Variants in KLHL3 observed in about 807,000 individuals in gnomAD.
KLHL3 encodes the protein kelch like family member 3.
In KLHL3, 19 loss-of-function variants were observed where a neutral mutation model predicts 70.5. That is an observed-to-expected ratio of 0.27 (90% CI 0.19 to 0.40). KLHL3 has a LOEUF of 0.40. Ranked by LOEUF, KLHL3 falls within the 10% of genes least tolerant of loss-of-function variation. The pLI, the probability that KLHL3 is intolerant of heterozygous loss-of-function variation, is 1.00. For synonymous variants in KLHL3, 258 were observed against 290.3 expected (o/e 0.89, Z 1.13); for missense variants, 512 against 771.1 (o/e 0.66, Z 3.98).
chr5:137,735,845 C>A lies in KLHL3; in HGVS notation c.-199G>T. ...GCAGCAGCTTCTACCGCAAAAGCAGCAGCAACAGAAAATGTCTTACCCAGA... is the reference window on the plus strand; with the variant it reads ...GCAGCAGCTTCTACCGCAAAAGCAGAAGCAACAGAAAATGTCTTACCCAGA... On this transcript the variant is annotated 5_prime_UTR_variant, in exon 1 of 15. Coordinates refer to ENST00000309755, the MANE Select transcript of KLHL3 (RefSeq NM_017415.3). The A allele has an allele frequency of 1.5e-6, 1 of 689,536 alleles. No individual in the cohort carries two copies. The allele number at this position is 689,536 out of a possible 1,614,324, so 42.7% of individuals were successfully genotyped here.
At chr5:137,644,640 C>T (rs1476933941) in intron 8 of KLHL3, among the ~76,000 whole-genome samples, 4 of 152,096 alleles carry the variant, frequency 2.6e-5, no homozygotes, top group African/African-American at 9.7e-5. Context: ...CCAAACAGAC[C>T]AATAACAAGC....
intron 13 of KLHL3, among the ~76,000 whole-genome samples, chr5:137,626,263 A>G (rs1165902926): frequency 5.3e-5 from 8 of 152,164 alleles, no homozygotes; most frequent in Admixed American, 5.2e-4. Context: ...GAGCTAGGGA[A>G]TAAGACAATT....
intron 1 of KLHL3, among the ~76,000 whole-genome samples, chr5:137,727,156 A>C (rs1490127724): frequency 1.3e-5 from 2 of 152,078 alleles, no homozygotes; most frequent in Non-Finnish European, 2.9e-5. Flanking sequence ...TCTCTATCTC[A>C]GAGGCATAAC....
In KLHL3 at chr5:137,735,778, G is replaced by A; in HGVS notation, c.-132C>T. The A allele has an allele frequency of 8.2e-7, 1 of 1,220,736 alleles. No homozygotes were observed. Among genetic ancestry groups the A allele is most frequent in the Non-Finnish European group, 1.2e-6 (1 of 824,464 alleles). 75.6% of individuals were successfully genotyped at this position (1,220,736 alleles called of 1,614,324 possible). A position where few individuals can be genotyped will look rare whatever the true frequency, so the allele number is the denominator to read the frequency against. On this transcript the variant is annotated 5_prime_UTR_variant, in exon 1 of 15. Coordinates refer to ENST00000309755, the MANE Select transcript of KLHL3 (RefSeq NM_017415.3). ...ACAGTGATTCAGCATGGCTGCAAGT[G>A]AAGCCTCCTCCCTTCTCAATCCTCC... is the stretch of plus-strand genomic sequence containing the variant.
rs543361717 is a variant in KLHL3, at chr5:137,678,298, G to A, written c.527-644C>T. ...GCCTATGGAACTGTTCAAGACAGAG[G>A]GAAATTTGGTGACAACTAGAATAAG... On this transcript the variant is annotated intron_variant, in intron 5 of 14. Coordinates refer to ENST00000309755, the MANE Select transcript of KLHL3 (RefSeq NM_017415.3). Among the ~76,000 whole-genome samples the A allele has an allele frequency of 8.6e-4, 131 of 152,148 alleles. 1 individual carries two copies. In the South Asian group the frequency reaches 0.024, roughly 27 times the overall value.
At chr5:137,717,022 G>A (rs748191611) in intron 2 of KLHL3, among the ~76,000 whole-genome samples, 6 of 152,244 alleles carry the variant, frequency 3.9e-5, no homozygotes, top group South Asian at 2.1e-4. Flanking sequence ...TTTAATTTAC[G>A]TTCTCACCCT....
chr5:137,694,913 G>C (rs1273890826), intron 4 of KLHL3, among the ~76,000 whole-genome samples: 1 of 152,076 alleles, frequency 6.6e-6, no homozygotes, highest in African/African-American at 2.4e-5. Context: ...AAAAGGGCCA[G>C]ATGTGAGAAG....
intron 3 of KLHL3, among the ~76,000 whole-genome samples, chr5:137,699,507 A>T (rs1752521954): frequency 6.6e-6 from 1 of 152,150 alleles, no homozygotes; most frequent in African/African-American, 2.4e-5. Context: ...TGGAAGCTAG[A>T]TCACATGCAG....
At chr5:137,623,057 C>T in intron 14 of KLHL3, among the ~76,000 whole-genome samples, 1 of 152,230 alleles carries the variant, frequency 6.6e-6, no homozygotes. Context: ...GGCAGCAGCC[C>T]TTGATAAAGC....
intron 11 of KLHL3, among the ~76,000 whole-genome samples, chr5:137,636,220 C>A (rs1436632107): frequency 1.3e-5 from 2 of 152,068 alleles, no homozygotes; most frequent in East Asian, 3.9e-4. Context: ...TACACAATAC[C>A]AGTGCAGACT....
Position 137,622,030 on chromosome 5 carries a change from G to C in KLHL3, c.*68C>G. Reference sequence around the variant, plus strand: ...CAAGCAAGTTGAATCCAGTCACCAAGGTCCTGCTGTTCAGAGTCACAGGCA... The same window carrying C: ...CAAGCAAGTTGAATCCAGTCACCAACGTCCTGCTGTTCAGAGTCACAGGCA... On this transcript the variant is annotated 3_prime_UTR_variant, in exon 15 of 15. Transcript: ENST00000309755. 1 of 1,543,922 alleles carries C rather than the reference G, an allele frequency of 6.5e-7. No homozygotes were observed. Among genetic ancestry groups the C allele is most frequent in the Non-Finnish European group, 9.0e-7 (1 of 1,115,976 alleles).
intron 6 of KLHL3, among the ~76,000 whole-genome samples, chr5:137,674,475 C>A (rs987675060): frequency 1.3e-5 from 2 of 152,234 alleles, no homozygotes; most frequent in African/African-American, 4.8e-5. Context: ...GTTACTTACA[C>A]TCATCATTAA....
At chr5:137,735,523 G>A (rs1753247381) in intron 1 of KLHL3, 110 bp downstream of exon 1, 2 of 846,414 alleles carry the variant, frequency 2.4e-6, no homozygotes, top group African/African-American at 3.3e-5. Flanking sequence ...TCAGTGGCCA[G>A]GTCTTCCAAC....
chr5:137,626,873 G>A (rs954004033), intron 13 of KLHL3, among the ~76,000 whole-genome samples: 3 of 151,984 alleles, frequency 2.0e-5, no homozygotes, highest in South Asian at 2.1e-4. Flanking sequence ...GCGTGATGGC[G>A]CATAACTGTG....
rs555987456 is a variant in KLHL3, at chr5:137,712,639, T to A, written c.135-2783A>T. Among the ~76,000 whole-genome samples the A allele has an allele frequency of 1.1e-4, 16 of 152,320 alleles. 1 individual carries two copies. In the East Asian group the frequency reaches 3.1e-3, roughly 29 times the overall value. On this transcript the variant is annotated intron_variant, in intron 2 of 14. Coordinates refer to ENST00000309755, the MANE Select transcript of KLHL3 (RefSeq NM_017415.3). ...TCAATTTACCTGGGATCCTATGGGA[T>A]CCTTTTTTCCGAGCTATCACACTAC...
chr5:137,662,478 C>T (rs975817170), intron 6 of KLHL3, among the ~76,000 whole-genome samples: 1 of 152,110 alleles, frequency 6.6e-6, no homozygotes, highest in Non-Finnish European at 1.5e-5. Flanking sequence ...ACTTATGTCC[C>T]GTGTAAAGTT....
intron 3 of KLHL3, among the ~76,000 whole-genome samples, chr5:137,703,045 C>T (rs1374271419): frequency 6.6e-6 from 1 of 152,176 alleles, no homozygotes; most frequent in Non-Finnish European, 1.5e-5. Context: ...ATCACTAGCT[C>T]ATCTTCCAGG....
intron 5 of KLHL3, among the ~76,000 whole-genome samples, chr5:137,689,320 C>T (rs1176440189): frequency 6.6e-6 from 1 of 152,202 alleles, no homozygotes; most frequent in African/African-American, 2.4e-5. Context: ...ACCCAGCAAC[C>T]CCATTACTGG....
Position 137,735,807 on chromosome 5 carries a change from C to T in KLHL3, c.-161G>A, listed in dbSNP as rs1753252205. ...CCTCCTCCCTTCTCAATCCTCCTTC[C>T]TCTGACTTACTCGCAGCAGCTTCTA... On this transcript the variant is annotated 5_prime_UTR_variant, in exon 1 of 15. Transcript: ENST00000309755. The T allele has an allele frequency of 1.1e-6, 1 of 903,518 alleles. No individual in the cohort carries two copies. 56.0% of individuals were successfully genotyped at this position (903,518 alleles called of 1,614,324 possible).
Sources: allele counts gnomAD v4.1 joint callset (sites outside exome capture counted in the v4.1 genomes callset), GRCh38; gene constraint gnomAD v4.1.1; transcripts MANE v1.5; gene names NCBI Gene and HGNC (gene_info 2026-07-23, HGNC 2026-07-21).